The following PRPF18 variants were observed in gnomAD, a reference collection of about 807,000 sequenced individuals.
PRPF18 encodes the protein pre-mRNA processing factor 18.
A neutral mutation model predicts 46.5 loss-of-function variants in PRPF18; 38 were observed. The observed-to-expected ratio is 0.82, with a 90% CI of 0.63 to 1.07. PRPF18 has a LOEUF of 1.07. Ranked by LOEUF, PRPF18 falls within the 50% of genes least tolerant of loss-of-function variation. The pLI is 0.00. For missense variants in PRPF18, 263 were observed against 410.0 expected (o/e 0.64, Z 3.10); for synonymous variants, 152 against 146.7 (o/e 1.04, Z -0.26).
chr10:13,633,118 A>G (rs2080604899), downstream of PRPF18, among the ~76,000 whole-genome samples: 1 of 152,198 alleles, frequency 6.6e-6, no homozygotes, highest in East Asian at 1.9e-4. Context: ...TTGGGGGACA[A>G]TTAGGAAAGT....
the PRPF18 span, chr10:13,654,825 T>A: frequency 2.4e-6 from 1 of 421,242 alleles, no homozygotes; most frequent in African/African-American, 2.0e-5. Context: ...GGCATAGGGA[T>A]GGTGACGGTT....
intron 4 of PRPF18, among the ~76,000 whole-genome samples, chr10:13,607,712 A>G (rs1467087000): frequency 2.0e-5 from 3 of 152,082 alleles, no homozygotes; most frequent in East Asian, 1.9e-4. Context: ...ATGAAGTCCA[A>G]TTTATTGTTT....
At chr10:13,609,311 C>T (rs867129925) in intron 4 of PRPF18, among the ~76,000 whole-genome samples, 2 of 152,176 alleles carry the variant, frequency 1.3e-5, no homozygotes, top group African/African-American at 4.8e-5. Flanking sequence ...GCCATTACTC[C>T]TATTCTGTAG....
In PRPF18 at chr10:13,587,095, T is replaced by C; in HGVS notation, c.9T>C (p.Ile3=). MD[I]LKSEILRKRQ... ...TAAATTCTGGCGGCGAGATGGACAT[T>C]CTGAAATCAGAGATCCTTCGGAAGC... The change falls in exon 1 of 10, where the codon ATT becomes ATC. Residue 3 remains isoleucine (I), a synonymous_variant. Coordinates refer to ENST00000378572, the MANE Select transcript of PRPF18 (RefSeq NM_003675.4). 1 of 1,614,080 alleles carries C rather than the reference T, an allele frequency of 6.2e-7. No homozygotes were observed. Among genetic ancestry groups the C allele is most frequent in the Non-Finnish European group, 8.5e-7 (1 of 1,179,964 alleles).
intron 9 of PRPF18, among the ~76,000 whole-genome samples, chr10:13,620,167 A>T (rs541202994): frequency 1.9e-3 from 292 of 152,316 alleles, no homozygotes; most frequent in African/African-American, 6.4e-3. Flanking sequence ...TCCTTAAAGG[A>T]TCAGATAGTA....
At chr10:13,597,662 A>G (rs775420111) in intron 2 of PRPF18, 127 bp downstream of exon 2, 7 of 1,603,414 alleles carry the variant, frequency 4.4e-6, no homozygotes, top group Non-Finnish European at 6.0e-6. Flanking sequence ...ATGAGAAGCC[A>G]TCTGGAGAGG....
intron 1 of PRPF18, 97 bp downstream of exon 1, chr10:13,587,249 C>G (rs1183876644): frequency 7.6e-7 from 1 of 1,320,928 alleles, no homozygotes; most frequent in Admixed American, 1.7e-5. Flanking sequence ...GGATTCGGGG[C>G]GGGGACGGGG....
chr10:13,610,029 C>G lies in PRPF18; in HGVS notation c.364-10C>G, dbSNP rs758259724. On this transcript the variant is annotated splice_polypyrimidine_tract_variant and intron_variant, in intron 4 of 9. Coordinates refer to ENST00000378572, the MANE Select transcript of PRPF18 (RefSeq NM_003675.4). Reference sequence around the variant, plus strand: ...ATAACAGGTGTTCTTCCTTTTTTTGCTTTTCTTAGGGATTGAGGAATGATT... The same window carrying G: ...ATAACAGGTGTTCTTCCTTTTTTTGGTTTTCTTAGGGATTGAGGAATGATT... 2.5e-6 allele frequency: 4 copies of G among 1,569,568 alleles called. No individual in the cohort carries two copies. Among genetic ancestry groups the G allele is most frequent in the Admixed American group, 1.9e-5 (1 of 53,736 alleles).
At chr10:13,591,674 A>G (rs2079963674) in intron 1 of PRPF18, 1 of 638,288 alleles carries the variant, frequency 1.6e-6, no homozygotes, top group Non-Finnish European at 2.8e-6. Flanking sequence ...CTGCTGCTTG[A>G]ATAAGCATCA....
At chr10:13,638,806 C>T in the PRPF18 span, 1 of 152,176 alleles carries the variant, frequency 6.6e-6, no homozygotes, top group African/African-American at 2.4e-5. Flanking sequence ...CTCACAGATA[C>T]CTTTGGAATG....
intron 1 of PRPF18, among the ~76,000 whole-genome samples, chr10:13,587,545 A>G (rs2079893819): frequency 6.6e-6 from 1 of 152,146 alleles, no homozygotes; most frequent in African/African-American, 2.4e-5. Context: ...CTGCCTTTCC[A>G]CCACCTCTCA....
At chr10:13,650,907 C>T in the PRPF18 span, among the ~76,000 whole-genome samples, 1 of 151,764 alleles carries the variant, frequency 6.6e-6, no homozygotes, top group Non-Finnish European at 1.5e-5. Flanking sequence ...GAAAGTGACC[C>T]CCTCATTTCT....
chr10:13,619,014 A>G (rs943584256), intron 9 of PRPF18, among the ~76,000 whole-genome samples: 3 of 152,154 alleles, frequency 2.0e-5, no homozygotes, highest in African/African-American at 7.2e-5. Context: ...AAACTGTTCC[A>G]CCTCAGATCA....
At chr10:13,634,271 C>T (rs1203101946), downstream of PRPF18, among the ~76,000 whole-genome samples, 1 of 152,206 alleles carries the variant, frequency 6.6e-6, no homozygotes. Context: ...TCTCACTAGG[C>T]CACTTCCTTC....
At chr10:13,621,017 C>T (rs2080413457) in intron 9 of PRPF18, among the ~76,000 whole-genome samples, 1 of 152,136 alleles carries the variant, frequency 6.6e-6, no homozygotes, top group South Asian at 2.1e-4. Context: ...AACCCCTGGC[C>T]CAGACTTTGG....
At chr10:13,654,461 G>A in the PRPF18 span, 3 of 1,613,688 alleles carry the variant, frequency 1.9e-6, no homozygotes, top group Non-Finnish European at 2.5e-6. Flanking sequence ...TGGGGGGGTG[G>A]CTCCAATTTC....
intron 9 of PRPF18, among the ~76,000 whole-genome samples, chr10:13,624,930 T>A (rs1167141887): frequency 6.6e-6 from 1 of 152,118 alleles, no homozygotes; most frequent in Non-Finnish European, 1.5e-5. Context: ...CATCAGACAT[T>A]TGGAGAAAGT....
At chr10:13,622,215 TC>T (rs34898048) in intron 9 of PRPF18, among the ~76,000 whole-genome samples, 53,835 of 152,082 alleles carry the variant, frequency 0.35, 9,929 homozygotes, top group Non-Finnish European at 0.4. Context: ...CCCTTAATCT[TC>T]CTGGCATATT....
chr10:13,634,689 G>A (rs2080620377), downstream of PRPF18, among the ~76,000 whole-genome samples: 1 of 152,214 alleles, frequency 6.6e-6, no homozygotes, highest in African/African-American at 2.4e-5. Flanking sequence ...AGTGTATGGA[G>A]ACCCAGTATT....
Sources: gnomAD v4.1 joint callset for allele counts (sites outside exome capture counted in the v4.1 genomes callset) on GRCh38, gnomAD v4.1.1 for gene constraint, MANE v1.5 for transcripts, NCBI Gene and HGNC (gene_info 2026-07-23, HGNC 2026-07-21) for gene names.